The following NFATC3 variants were observed in gnomAD, a reference collection of about 807,000 sequenced individuals.
NFATC3 encodes the protein nuclear factor of activated T cells 3.
NFATC3 carries 46 observed loss-of-function variants against 98.6 expected under a neutral mutation model. The ratio of observed to expected loss-of-function variants is 0.47; its 90% CI spans 0.37 to 0.60. The LOEUF is 0.60. Ranked by LOEUF, NFATC3 falls within the 20% of genes least tolerant of loss-of-function variation. The pLI is 0.00. For missense variants in NFATC3, 1,256 were observed against 1,295.5 expected, an observed-to-expected ratio of 0.97 and a Z score of 0.47; for synonymous variants, 512 against 472.2, an observed-to-expected ratio of 1.08 and a Z score of -1.09.
intron 3 of NFATC3, among the ~76,000 whole-genome samples, chr16:68,132,115 A>G (rs1352979990): frequency 6.6e-6 from 1 of 152,194 alleles, no homozygotes; most frequent in Non-Finnish European, 1.5e-5. Context: ...GCTTTTAGAT[A>G]GAGAGTAAAA....
chr16:68,201,318 C>T (rs2040901336), intron 9 of NFATC3, among the ~76,000 whole-genome samples: 1 of 152,076 alleles, frequency 6.6e-6, no homozygotes, highest in African/African-American at 2.4e-5. Flanking sequence ...GCAGCCTTGA[C>T]CTCCTGGGAC....
chr16:68,194,429 G>T (rs1486223072), intron 9 of NFATC3, among the ~76,000 whole-genome samples: 1 of 152,368 alleles, frequency 6.6e-6, no homozygotes, highest in South Asian at 2.1e-4. Flanking sequence ...TCTGTGCACA[G>T]CTGGCATAAG....
chr16:68,086,951 C>G (rs2034411660), intron 1 of NFATC3, among the ~76,000 whole-genome samples: 1 of 152,130 alleles, frequency 6.6e-6, no homozygotes, highest in South Asian at 2.1e-4. Flanking sequence ...CTTACGGACC[C>G]TGTAGTGTTA....
At chr16:68,094,583 A>AT (rs1312213653) in intron 1 of NFATC3, among the ~76,000 whole-genome samples, 1 of 151,654 alleles carries the variant, frequency 6.6e-6, no homozygotes, top group African/African-American at 2.4e-5. Context: ...ACTCTTTTGG[A>AT]TTTTCTCTCT....
Position 68,122,856 on chromosome 16 carries a change from GT to G in NFATC3, c.978del (p.Pro327HisfsTer6), listed in dbSNP as rs1332771305. ...TGGTGGGTCAGGCCTTGGCCCTGCA[GT>G]TTTTCCATTTCAGTACTGTGTAGAG... The part of the protein sequence containing the change: ...VHGGSGLGPA[V>X]FPFQYCVETD... On this transcript the variant is annotated frameshift_variant, in exon 2 of 10. Coordinates refer to ENST00000346183, the MANE Select transcript of NFATC3 (RefSeq NM_173165.3). LOFTEE classifies it high-confidence loss of function. The G allele has an allele frequency of 6.2e-7, 1 of 1,614,224 alleles. No homozygotes were observed. The highest frequency in any genetic ancestry group is 1.3e-5 in the African/African-American group (1 of 75,070).
At chr16:68,093,555 G>A (rs947085241) in intron 1 of NFATC3, among the ~76,000 whole-genome samples, 3 of 152,022 alleles carry the variant, frequency 2.0e-5, no homozygotes, top group African/African-American at 4.8e-5. Context: ...TTCTTTTTGC[G>A]CAACCTATAA....
intron 1 of NFATC3, among the ~76,000 whole-genome samples, chr16:68,119,467 C>T (rs1383135437): frequency 6.6e-6 from 1 of 152,144 alleles, no homozygotes; most frequent in African/African-American, 2.4e-5. Context: ...ACTAGCCTCT[C>T]CCTGACCACC....
intron 9 of NFATC3, among the ~76,000 whole-genome samples, chr16:68,213,331 C>T (rs1054336561): frequency 6.6e-6 from 1 of 151,114 alleles, no homozygotes; most frequent in African/African-American, 2.4e-5. Context: ...AGGAGAATGG[C>T]GTGAACTCAG....
At chr16:68,195,381 G>T (rs916416161) in intron 9 of NFATC3, among the ~76,000 whole-genome samples, 1 of 149,514 alleles carries the variant, frequency 6.7e-6, no homozygotes, top group South Asian at 2.1e-4. Context: ...AATTACAGAG[G>T]GGGAAGAGCA....
At chr16:68,221,204 A>G in intron 9 of NFATC3, 1 of 1,614,088 alleles carries the variant, frequency 6.2e-7, no homozygotes, top group Non-Finnish European at 8.5e-7. Context: ...AGATTTGTTT[A>G]CCAGTAATAA....
intron 4 of NFATC3, among the ~76,000 whole-genome samples, chr16:68,164,627 C>A (rs1001446070): frequency 3.9e-5 from 6 of 152,100 alleles, no homozygotes; most frequent in Non-Finnish European, 8.8e-5. Flanking sequence ...TGCCTGTAAT[C>A]CCAGCTCTTT....
chr16:68,143,176 T>A (rs1259624285), intron 3 of NFATC3, among the ~76,000 whole-genome samples: 6 of 136,152 alleles, frequency 4.4e-5, no homozygotes, highest in African/African-American at 1.7e-4. Flanking sequence ...CAGTGAGTTA[T>A]GCACTGTAGC....
intron 6 of NFATC3, among the ~76,000 whole-genome samples, chr16:68,176,785 G>C (rs955217258): frequency 1.1e-4 from 17 of 151,906 alleles, no homozygotes; most frequent in Non-Finnish European, 1.0e-4. Flanking sequence ...TATATATTCC[G>C]GATATCAGAG....
At chr16:68,164,117 G>T (rs1380502567) in intron 4 of NFATC3, among the ~76,000 whole-genome samples, 1 of 152,230 alleles carries the variant, frequency 6.6e-6, no homozygotes, top group African/African-American at 2.4e-5. Context: ...GCACCATTGA[G>T]CACTGAGTGA....
At chr16:68,099,178 A>T (rs1329338376) in intron 1 of NFATC3, among the ~76,000 whole-genome samples, 1 of 152,216 alleles carries the variant, frequency 6.6e-6, no homozygotes, top group African/African-American at 2.4e-5. Flanking sequence ...TCACGCCTGT[A>T]GTCCCAGCAC....
At chr16:68,119,163 G>A (rs181338053) in intron 1 of NFATC3, among the ~76,000 whole-genome samples, 12 of 152,190 alleles carry the variant, frequency 7.9e-5, no homozygotes, top group Admixed American at 2.6e-4. Flanking sequence ...CACTGCGCCC[G>A]ACCAATACTG....
At chr16:68,152,062 T>A in intron 3 of NFATC3, among the ~76,000 whole-genome samples, 1 of 130,892 alleles carries the variant, frequency 7.6e-6, no homozygotes, top group African/African-American at 3.2e-5. Flanking sequence ...GAGGCTCCGT[T>A]TCAAAAAAAA....
chr16:68,118,925 T>C (rs1255030239), intron 1 of NFATC3, among the ~76,000 whole-genome samples: 1 of 152,184 alleles, frequency 6.6e-6, no homozygotes, highest in East Asian at 1.9e-4. Context: ...TGGAGTGCAA[T>C]GGCGCGATCT....
intron 9 of NFATC3, among the ~76,000 whole-genome samples, chr16:68,219,924 T>C (rs1486925074): frequency 2.6e-5 from 4 of 152,214 alleles, no homozygotes; most frequent in African/African-American, 9.7e-5. Flanking sequence ...GGGAAATAGC[T>C]CTAAATAAGA....
Sources: allele counts gnomAD v4.1 joint callset (sites outside exome capture counted in the v4.1 genomes callset), GRCh38; gene constraint gnomAD v4.1.1; transcripts MANE v1.5; gene names NCBI Gene and HGNC (gene_info 2026-07-23, HGNC 2026-07-21).